Variants in ZNF500 observed in about 807,000 individuals in gnomAD.
ZNF500 encodes the protein zinc finger protein 500, also known as zinc finger protein with KRAB and SCAN domains 18.
In ZNF500, 31 loss-of-function variants were observed where a neutral mutation model predicts 30.1. The ratio of observed to expected loss-of-function variants is 1.03; its 90% confidence interval spans 0.77 to 1.39. ZNF500 has a LOEUF of 1.39. ZNF500 is among the 40% of genes most tolerant of loss of function. The pLI, the probability that ZNF500 is intolerant of heterozygous loss-of-function variation, is 0.00. For synonymous variants in ZNF500, 392 were observed against 282.0 expected (o/e 1.39, Z -3.91); for missense variants, 817 against 657.8 (o/e 1.24, Z -2.65).
chr16:4,752,290 A>G lies in ZNF500; in HGVS notation c.*86T>C. On this transcript the variant is annotated 3_prime_UTR_variant, in exon 6 of 6. Transcript: ENST00000219478. ...CATGGGAGGAAACGGGCAGCTGGCA[A>G]TGCTTTCGGACCAGGCTGTCTAGCA... The G allele has an allele frequency of 7.0e-7, 1 of 1,429,652 alleles. No homozygotes were observed. The highest frequency in any genetic ancestry group is 9.1e-7 in the Non-Finnish European group (1 of 1,096,582). 88.6% of individuals were successfully genotyped at this position (1,429,652 alleles called of 1,614,324 possible).
rs892076309 is a variant in ZNF500 at position 4,748,302 on chromosome 16, A to C, written c.*4074T>G. ...GGAACTCCTCTCAATCCTCCTGCCT[A>C]GGCCTTCCACAGTGCTGGGATTATA... is the stretch of plus-strand genomic sequence containing the variant. On this transcript the variant is annotated 3_prime_UTR_variant, in exon 6 of 6. Transcript: ENST00000219478. The C allele has an allele frequency of 6.9e-6, 1 of 145,048 alleles. No homozygotes were observed. 9.0% of individuals were successfully genotyped at this position (145,048 alleles called of 1,614,324 possible).
chr16:4,760,210 C>G (rs2082182276), intron 5 of ZNF500, among the ~76,000 whole-genome samples: 1 of 152,116 alleles, frequency 6.6e-6, no homozygotes, highest in Admixed American at 6.6e-5. Context: ...AGCAGCTCTG[C>G]CCTTGAGAGG....
At chr16:4,744,634 C>CTTTA (rs1567503883), downstream of ZNF500, among the ~76,000 whole-genome samples, 1 of 151,402 alleles carries the variant, frequency 6.6e-6, no homozygotes, top group African/African-American at 2.4e-5. Context: ...GTCACTCCTA[C>CTTTA]TTCACCAAGC....
Position 4,752,461 on chromosome 16 carries a change from T to C in ZNF500, c.1358A>G (p.His453Arg), listed in dbSNP as rs1037403909. 9 of 1,542,808 alleles carry C rather than the reference T, an allele frequency of 5.8e-6. No homozygotes were observed. In the African/African-American group the frequency reaches 1.2e-4, roughly 21 times the overall value. Residue 453 changes from histidine (H) to arginine (R), a missense_variant, in exon 6 of 6, where the codon CAC becomes CGC. His to Arg is a conservative substitution (Grantham distance 29, BLOSUM62 0). Transcript: ENST00000219478. ...GRGFRRGTDLHKHQRTHMGAG... is the reference protein window; with the variant it reads ...GRGFRRGTDLRKHQRTHMGAG... Reference sequence around the variant, plus strand: ...CCCCATGTGGGTCCGCTGGTGCTTGTGCAGGTCGGTGCCCCGGCGGAAGCC... The same window carrying C: ...CCCCATGTGGGTCCGCTGGTGCTTGCGCAGGTCGGTGCCCCGGCGGAAGCC...
rs374315721 is a variant in ZNF500 at position 4,762,597 on chromosome 16, C to A, written c.574G>T (p.Gly192Cys). 1.2e-6 allele frequency: 2 copies of A among 1,613,632 alleles called. No individual in the cohort carries two copies. Among genetic ancestry groups the A allele is most frequent in the Admixed American group, 3.3e-5 (2 of 59,964 alleles). ...PAQLSHRPQRGPLLWPERGPP... is the reference protein window; with the variant it reads ...PAQLSHRPQRCPLLWPERGPP... ...CCTCTCTCTGGCCACAACAGCGGGCCCCTCTGTGGCCTGTGGCTCAGCTGG... is the reference window on the plus strand; with the variant it reads ...CCTCTCTCTGGCCACAACAGCGGGCACCTCTGTGGCCTGTGGCTCAGCTGG... The change falls in exon 3 of 6, where the codon GGC becomes TGC. Residue 192 changes from glycine (G) to cysteine (C), a missense_variant. By Grantham distance (159) the Gly-to-Cys change is radical. Transcript: ENST00000219478.
At chr16:4,763,581 C>G in intron 2 of ZNF500, 1 of 985,418 alleles carries the variant, frequency 1.0e-6, no homozygotes, top group Non-Finnish European at 1.2e-6. Flanking sequence ...GGACCCATCT[C>G]AGGCTTCCTC....
chr16:4,755,819 C>T (rs1252407429), intron 5 of ZNF500, among the ~76,000 whole-genome samples: 4 of 152,146 alleles, frequency 2.6e-5, no homozygotes, highest in Non-Finnish European at 4.4e-5. Context: ...TGTCCATCAA[C>T]GAAAATGGAT....
At chr16:4,766,835 A>C (rs1426682843) in intron 1 of ZNF500, 182 bp downstream of exon 1, 1 of 152,236 alleles carries the variant, frequency 6.6e-6, no homozygotes, top group Non-Finnish European at 1.5e-5. Context: ...GGTGGTCACG[A>C]CAGCCCCCCA....
Position 4,760,642 on chromosome 16 carries a change from A to G in ZNF500, c.664-54T>C. The G allele has an allele frequency of 3.9e-6, 6 of 1,529,032 alleles. No homozygotes were observed. The East Asian group carries it at 1.4e-4, about 35-fold the overall frequency. 94.7% of individuals were successfully genotyped at this position (1,529,032 alleles called of 1,614,324 possible). The stretch of plus-strand genomic sequence containing the variant: ...GCCCCAAGCAAGCTGCCTCCTCCCC[A>G]ACTAAGGCCACTGGCCCAGGGAGCT... On this transcript the variant is annotated intron_variant, in intron 4 of 5. Coordinates refer to ENST00000219478, the MANE Select transcript of ZNF500 (RefSeq NM_021646.4).
downstream of ZNF500, chr16:4,746,515 C>T: frequency 6.2e-7 from 1 of 1,612,662 alleles, no homozygotes; most frequent in Non-Finnish European, 8.5e-7. Flanking sequence ...CCAGAAAGGT[C>T]CGGAGGGCAG....
At chr16:4,757,227 G>A (rs1039407921) in intron 5 of ZNF500, among the ~76,000 whole-genome samples, 1 of 152,166 alleles carries the variant, frequency 6.6e-6, no homozygotes, top group East Asian at 1.9e-4. Context: ...GAAAGAACAA[G>A]TTTCCACAGT....
downstream of ZNF500, among the ~76,000 whole-genome samples, chr16:4,744,554 A>T (rs1260130515): frequency 1.3e-5 from 2 of 152,112 alleles, no homozygotes; most frequent in Non-Finnish European, 2.9e-5. Flanking sequence ...CAACACACAG[A>T]ACTGTTCATT....
At chr16:4,756,936 T>C (rs1382368125) in intron 5 of ZNF500, among the ~76,000 whole-genome samples, 5 of 151,892 alleles carry the variant, frequency 3.3e-5, no homozygotes, top group Admixed American at 2.6e-4. Flanking sequence ...TGAGTCAAAA[T>C]TGTGCTACTG....
downstream of ZNF500, among the ~76,000 whole-genome samples, chr16:4,745,566 C>A (rs1219578133): frequency 1.3e-5 from 2 of 152,192 alleles, no homozygotes; most frequent in Non-Finnish European, 2.9e-5. Flanking sequence ...TTTGGTTGCT[C>A]CGCACTTGAG....
chr16:4,757,827 C>T, intron 5 of ZNF500, among the ~76,000 whole-genome samples: 1 of 151,506 alleles, frequency 6.6e-6, no homozygotes, highest in Non-Finnish European at 1.5e-5. Flanking sequence ...TGGACTCGAT[C>T]TCCTGACCTC....
chr16:4,765,817 C>A lies in ZNF500; in HGVS notation c.162G>T (p.Arg54=). ...CAGCCACCTCCTGGTAGCAGAAGAG[C>A]CGGAAGAGCTGGCGGAAAGTCTCAG... ...PSPETFRQLF[R]LFCYQEVAGP... is the part of the protein sequence containing the mutation. The change falls in exon 2 of 6, where the codon CGG becomes CGT. Residue 54 remains arginine, a synonymous_variant. Coordinates refer to ENST00000219478, the MANE Select transcript of ZNF500 (RefSeq NM_021646.4). The A allele has an allele frequency of 6.2e-7, 1 of 1,613,498 alleles. No individual in the cohort carries two copies. The highest frequency in any genetic ancestry group is 8.5e-7 in the Non-Finnish European group (1 of 1,179,962).
At chr16:4,763,419 G>GA (rs35277068) in intron 2 of ZNF500, among the ~76,000 whole-genome samples, 3,073 of 145,704 alleles carry the variant, frequency 0.021, 108 homozygotes, top group African/African-American at 0.074. Flanking sequence ...AAAAAAAAAA[G>GA]AAAAAAAAAA....
At chr16:4,761,886 A>AACAC (rs953434465) in intron 4 of ZNF500, among the ~76,000 whole-genome samples, 2 of 149,754 alleles carry the variant, frequency 1.3e-5, no homozygotes, top group African/African-American at 5.1e-5. Flanking sequence ...CAAACAAACA[A>AACAC]AAACCCCAAA....
At position 4,751,764 on chromosome 16, in the gene ZNF500, T is replaced by TG. The variant is rs2082080180; in HGVS notation, c.*611dup. ...GTGGTGGCCCTACCAAAAAAGAGAC[T>TG]GGGCATGGCGGCACACACCTGTAAC... On this transcript the variant is annotated 3_prime_UTR_variant, in exon 6 of 6. Coordinates refer to ENST00000219478, the MANE Select transcript of ZNF500 (RefSeq NM_021646.4). 1.1e-6 allele frequency: 1 copy of TG among 925,850 alleles called. No individual in the cohort carries two copies. Among genetic ancestry groups the TG allele is most frequent in the African/African-American group, 1.6e-5 (1 of 61,020 alleles). 57.4% of individuals were successfully genotyped at this position (925,850 alleles called of 1,614,324 possible). A position where few individuals can be genotyped will look rare whatever the true frequency, so the allele number is the denominator to read the frequency against.
Sources: allele counts gnomAD v4.1 joint callset (sites outside exome capture counted in the v4.1 genomes callset), GRCh38; gene constraint gnomAD v4.1.1; transcripts MANE v1.5; gene names NCBI Gene and HGNC (gene_info 2026-07-23, HGNC 2026-07-21).